The following SCOC variants were observed in gnomAD, a reference collection of about 807,000 sequenced individuals.
The protein encoded by SCOC is short coiled coil protein.
SCOC carries 7 observed loss-of-function variants against 9.9 expected under a neutral mutation model. The observed-to-expected ratio is 0.71, with a 90% CI of 0.40 to 1.33. SCOC has a LOEUF of 1.33. Among genes scored for constraint, SCOC ranks in the 40% most tolerant of loss-of-function variants. The pLI is 0.01. For synonymous variants in SCOC, 19 were observed against 28.2 expected, an observed-to-expected ratio of 0.67 and a Z score of 1.03; for missense variants, 66 against 89.7, an observed-to-expected ratio of 0.74 and a Z score of 1.07.
At chr4:140,309,510 T>C (rs971193343) in intron 1 of SCOC, among the ~76,000 whole-genome samples, 1 of 152,174 alleles carries the variant, frequency 6.6e-6, no homozygotes, top group Non-Finnish European at 1.5e-5. Flanking sequence ...TCCTGTACTC[T>C]GGCCACCTCC....
chr4:140,306,206 C>T (rs1049667808), intron 1 of SCOC, among the ~76,000 whole-genome samples: 1 of 152,010 alleles, frequency 6.6e-6, no homozygotes, highest in African/African-American at 2.4e-5. Context: ...GGCAAGAGAG[C>T]TTGTGTAGGG....
chr4:140,325,051 A>G (rs1732607207), intron 1 of SCOC, among the ~76,000 whole-genome samples: 1 of 152,130 alleles, frequency 6.6e-6, no homozygotes, highest in South Asian at 2.1e-4. Context: ...GCTGATTTTT[A>G]ACAAAGGTGC....
upstream of SCOC, among the ~76,000 whole-genome samples, chr4:140,338,623 G>GA (rs1553938493): frequency 1.3e-5 from 2 of 152,098 alleles, no homozygotes; most frequent in Non-Finnish European, 2.9e-5. Context: ...AAATCAATGT[G>GA]AAAAAATCAC....
intron 1 of SCOC, among the ~76,000 whole-genome samples, chr4:140,276,757 A>G (rs888306049): frequency 7.3e-5 from 11 of 151,084 alleles, no homozygotes; most frequent in Non-Finnish European, 1.2e-4. Context: ...TCGGCCAGCC[A>G]CTCTCCCAGT....
chr4:140,275,860 G>T (rs923989079), intron 1 of SCOC, among the ~76,000 whole-genome samples: 4 of 117,376 alleles, frequency 3.4e-5, no homozygotes, highest in East Asian at 2.6e-4. Context: ...GTCTTGCTCT[G>T]TCTCCCAGGT....
intron 1 of SCOC, among the ~76,000 whole-genome samples, chr4:140,297,475 T>C (rs534379077): frequency 6.6e-6 from 1 of 152,306 alleles, no homozygotes; most frequent in African/African-American, 2.4e-5. Flanking sequence ...TGTTCAGAGC[T>C]ACCACTCTTC....
intron 1 of SCOC, among the ~76,000 whole-genome samples, chr4:140,311,612 T>A (rs1366375823): frequency 1.3e-5 from 2 of 152,174 alleles, no homozygotes; most frequent in Admixed American, 6.5e-5. Flanking sequence ...TTCCTCCTGG[T>A]AAGCCTGGAT....
intron 1 of SCOC, among the ~76,000 whole-genome samples, chr4:140,263,676 A>G (rs1730677749): frequency 6.6e-6 from 1 of 152,232 alleles, no homozygotes; most frequent in Admixed American, 6.5e-5. Flanking sequence ...AGGGGCAGGC[A>G]GTAAATTATG....
chr4:140,295,930 CAAA>C (rs1203213131), intron 1 of SCOC, among the ~76,000 whole-genome samples: 3 of 53,040 alleles, frequency 5.7e-5, no homozygotes, highest in Non-Finnish European at 3.6e-5. Context: ...GACTCCGTCT[CAAA>C]AAAAAAAAAA....
intron 1 of SCOC, among the ~76,000 whole-genome samples, chr4:140,258,347 T>C (rs1730555841): frequency 6.6e-6 from 1 of 152,256 alleles, no homozygotes; most frequent in Admixed American, 6.5e-5. Flanking sequence ...TTTTCTGCAG[T>C]GTTCCTTGGT....
intron 1 of SCOC, among the ~76,000 whole-genome samples, chr4:140,271,930 G>A (rs1355641217): frequency 1.3e-5 from 2 of 152,144 alleles, no homozygotes; most frequent in African/African-American, 4.8e-5. Flanking sequence ...GAATGAACGG[G>A]CGCCTGTCTG....
chr4:140,330,176 T>A (rs926548150), intron 1 of SCOC, among the ~76,000 whole-genome samples: 7 of 152,190 alleles, frequency 4.6e-5, no homozygotes, highest in Non-Finnish European at 4.4e-5. Flanking sequence ...GAGAATATTA[T>A]TCTAAGTGAA....
intron 1 of SCOC, among the ~76,000 whole-genome samples, chr4:140,317,148 T>C (rs1374570590): frequency 1.3e-5 from 2 of 152,156 alleles, no homozygotes; most frequent in African/African-American, 2.4e-5. Flanking sequence ...GGGGACTCTC[T>C]TGTAAGATGG....
At chr4:140,378,627 T>C (rs534882908) in intron 1 of SCOC, among the ~76,000 whole-genome samples, 10 of 148,386 alleles carry the variant, frequency 6.7e-5, no homozygotes, top group African/African-American at 2.4e-4. Flanking sequence ...TACCAGACTT[T>C]GAGTGGGCAG....
chr4:140,352,895 C>A, intron 2 of SCOC, among the ~76,000 whole-genome samples: 1 of 152,134 alleles, frequency 6.6e-6, no homozygotes, highest in East Asian at 1.9e-4. Flanking sequence ...GAATTTTTTC[C>A]AGGGAGAAAT....
upstream of SCOC, among the ~76,000 whole-genome samples, chr4:140,372,421 T>C (rs191122680): frequency 1.3e-5 from 2 of 152,362 alleles, no homozygotes; most frequent in African/African-American, 4.8e-5. Flanking sequence ...ACTTCTTGAA[T>C]CTGAAAATTC....
At chr4:140,350,440 G>A (rs1330159445) in intron 2 of SCOC, among the ~76,000 whole-genome samples, 3 of 152,206 alleles carry the variant, frequency 2.0e-5, no homozygotes, top group African/African-American at 7.2e-5. Flanking sequence ...GCCCCTAGCT[G>A]AGAGTTGACT....
upstream of SCOC, among the ~76,000 whole-genome samples, chr4:140,340,783 C>CTT (rs36136647): frequency 4.7e-3 from 189 of 40,428 alleles, 31 homozygotes; most frequent in East Asian, 0.059. Context: ...TGCTGCCTAA[C>CTT]TTTTTTTTTT....
At chr4:140,340,808 T>TTTTTTTTTTC (rs140552446), upstream of SCOC, among the ~76,000 whole-genome samples, 19 of 111,876 alleles carry the variant, frequency 1.7e-4, 1 homozygote, top group East Asian at 5.5e-4. Flanking sequence ...TTTTTTTTTT[T>TTTTTTTTTTC]AGAGGGATAG....
Sources: gnomAD v4.1 joint callset for allele counts (sites outside exome capture counted in the v4.1 genomes callset) on GRCh38, gnomAD v4.1.1 for gene constraint, MANE v1.5 for transcripts, NCBI Gene and HGNC (gene_info 2026-07-23, HGNC 2026-07-21) for gene names.